The following PTPN13 variants were observed in gnomAD, a reference collection of about 807,000 sequenced individuals.
The protein encoded by PTPN13 is tyrosine-protein phosphatase non-receptor type 13.
Under a neutral mutation model 284.0 loss-of-function variants are expected in PTPN13, and 191 were observed. That is an observed-to-expected ratio of 0.67 (90% CI 0.60 to 0.76). The LOEUF is 0.76. Ranked by LOEUF, PTPN13 falls within the 30% of genes least tolerant of loss-of-function variation. The pLI is 0.00. For missense variants in PTPN13, 2,797 were observed against 2,939.9 expected, an observed-to-expected ratio of 0.95 and a Z score of 1.12; for synonymous variants, 986 against 1,022.3, an observed-to-expected ratio of 0.96 and a Z score of 0.68.
At chr4:86,744,572 G>A (rs1291039724) in intron 16 of PTPN13, among the ~76,000 whole-genome samples, 4 of 152,260 alleles carry the variant, frequency 2.6e-5, no homozygotes, top group Admixed American at 6.5e-5. Flanking sequence ...AACTGACCAC[G>A]AGCAATGGTG....
At chr4:86,645,043 T>C (rs1724253522) in intron 2 of PTPN13, among the ~76,000 whole-genome samples, 1 of 151,976 alleles carries the variant, frequency 6.6e-6, no homozygotes, top group Non-Finnish European at 1.5e-5. Flanking sequence ...ACCTCATCTC[T>C]ACAAAAAATA....
chr4:86,661,086 A>G, intron 2 of PTPN13: 2 of 453,826 alleles, frequency 4.4e-6, no homozygotes, highest in South Asian at 3.1e-5. Flanking sequence ...CACTCATACA[A>G]TTACCACCCA....
intron 20 of PTPN13, 43 bp from the exon 21 acceptor site, chr4:86,758,217 C>G (rs1248663389): frequency 7.3e-7 from 1 of 1,370,012 alleles, no homozygotes; most frequent in Non-Finnish European, 1.0e-6. Context: ...GTCTTAATGC[C>G]TGAGCATGTT....
intron 2 of PTPN13, among the ~76,000 whole-genome samples, chr4:86,647,531 TA>T (rs1355047928): frequency 2.0e-5 from 3 of 151,744 alleles, no homozygotes; most frequent in African/African-American, 7.2e-5. Context: ...AAAACATTTT[TA>T]AAAATGAGAA....
At chr4:86,709,374 A>G (rs1299703015) in intron 7 of PTPN13, among the ~76,000 whole-genome samples, 2 of 152,140 alleles carry the variant, frequency 1.3e-5, no homozygotes, top group South Asian at 4.1e-4. Flanking sequence ...TATCTAATTC[A>G]TAGCTGTATC....
intron 26 of PTPN13, among the ~76,000 whole-genome samples, chr4:86,765,818 G>GT (rs551166926): frequency 7.6e-4 from 115 of 150,512 alleles, no homozygotes; most frequent in Middle Eastern, 3.5e-3. Flanking sequence ...ATCTACACTT[G>GT]TTTTTTTTGT....
rs182386156 is a variant in PTPN13, at chr4:86,633,987, C to A, written c.-5-1265C>A. Reference sequence around the variant, plus strand: ...TCACATTGTGTATATAAGTAGACACCCTGGAGGCAGACTTTAAGCATAAAA... The same window carrying A: ...TCACATTGTGTATATAAGTAGACACACTGGAGGCAGACTTTAAGCATAAAA... On this transcript the variant is annotated intron_variant, in intron 1 of 47. Coordinates refer to ENST00000411767, the MANE Select transcript of PTPN13 (RefSeq NM_080683.3). Among the ~76,000 whole-genome samples, 29 of 151,950 alleles carry A rather than the reference C, an allele frequency of 1.9e-4. No individual in the cohort carries two copies. In the East Asian group the frequency reaches 5.2e-3, roughly 27 times the overall value.
At chr4:86,788,885 A>G (rs1742287719) in intron 40 of PTPN13, among the ~76,000 whole-genome samples, 3 of 152,232 alleles carry the variant, frequency 2.0e-5, no homozygotes, top group Admixed American at 2.0e-4. Flanking sequence ...AAATGTTTAT[A>G]TGGAGTTCAG....
chr4:86,662,621 T>C (rs1270700336), intron 2 of PTPN13, among the ~76,000 whole-genome samples: 1 of 152,182 alleles, frequency 6.6e-6, no homozygotes, highest in Non-Finnish European at 1.5e-5. Flanking sequence ...TGAGCCACCG[T>C]GCCCAGCTGT....
chr4:86,701,862 AAAG>A (rs2149010173), intron 7 of PTPN13, 61 bp downstream of exon 7: 3 of 1,440,086 alleles, frequency 2.1e-6, no homozygotes, highest in Non-Finnish European at 2.8e-6. Flanking sequence ...TTTTTGAAAT[AAAG>A]AAGGGTTATT....
At chr4:86,689,408 A>G (rs1206585520) in intron 5 of PTPN13, among the ~76,000 whole-genome samples, 1 of 152,338 alleles carries the variant, frequency 6.6e-6, no homozygotes, top group African/African-American at 2.4e-5. Context: ...ATTATTCCCA[A>G]AAATATCATA....
intron 3 of PTPN13, among the ~76,000 whole-genome samples, chr4:86,679,756 G>A (rs1381548325): frequency 1.3e-5 from 2 of 152,188 alleles, no homozygotes; most frequent in East Asian, 3.8e-4. Context: ...TGAATGAGAG[G>A]TATCTGCACA....
chr4:86,720,252 C>G (rs1421143142), intron 9 of PTPN13, among the ~76,000 whole-genome samples: 1 of 151,984 alleles, frequency 6.6e-6, no homozygotes, highest in African/African-American at 2.4e-5. Flanking sequence ...ATTTTGGGAG[C>G]CTTATGTTAA....
At chr4:86,601,276 A>G (rs1461312738) in intron 1 of PTPN13, among the ~76,000 whole-genome samples, 1 of 152,130 alleles carries the variant, frequency 6.6e-6, no homozygotes, top group Non-Finnish European at 1.5e-5. Flanking sequence ...AATCTACACC[A>G]GATAAAACTA....
chr4:86,633,237 C>A (rs551519142), intron 1 of PTPN13, among the ~76,000 whole-genome samples: 3 of 152,210 alleles, frequency 2.0e-5, no homozygotes, highest in Admixed American at 2.0e-4. Context: ...TCTGTGTGGC[C>A]GTGCTTCCTT....
At chr4:86,766,545 C>G in intron 27 of PTPN13, 28 bp downstream of exon 27, 2 of 1,499,794 alleles carry the variant, frequency 1.3e-6, no homozygotes, top group Non-Finnish European at 1.8e-6. Flanking sequence ...CAACCTTTTA[C>G]AGTACCTTAG....
intron 1 of PTPN13, among the ~76,000 whole-genome samples, chr4:86,623,901 G>A (rs1022389609): frequency 2.0e-5 from 3 of 151,948 alleles, no homozygotes; most frequent in African/African-American, 7.3e-5. Flanking sequence ...ATTACCATAC[G>A]ATATTCTAGT....
chr4:86,760,088 A>G (rs892070496), intron 23 of PTPN13, among the ~76,000 whole-genome samples: 6 of 152,290 alleles, frequency 3.9e-5, no homozygotes, highest in African/African-American at 1.4e-4. Context: ...TAGATGAGTC[A>G]TTTTGAGTAT....
chr4:86,719,625 C>T (rs11936622), intron 9 of PTPN13, among the ~76,000 whole-genome samples: 3 of 152,150 alleles, frequency 2.0e-5, no homozygotes, highest in Non-Finnish European at 4.4e-5. Flanking sequence ...TCTGCAACCT[C>T]GTCAGCATCT....
Sources: gnomAD v4.1 joint callset for allele counts (sites outside exome capture counted in the v4.1 genomes callset) on GRCh38, gnomAD v4.1.1 for gene constraint, MANE v1.5 for transcripts, NCBI Gene and HGNC (gene_info 2026-07-23, HGNC 2026-07-21) for gene names.